CDYL: variants seen among roughly 807,000 people sequenced by gnomAD.
CDYL encodes the protein chromodomain Y-like protein.
Under a neutral mutation model 47.3 loss-of-function variants are expected in CDYL, and 8 were observed. The ratio of observed to expected loss-of-function variants is 0.17; its 90% confidence interval spans 0.10 to 0.31. CDYL has a LOEUF of 0.31. CDYL is among the 10% of genes least tolerant of loss of function. The pLI, the probability that CDYL is intolerant of heterozygous loss-of-function variation, is 1.00. For synonymous variants in CDYL, 266 were observed against 265.0 expected (o/e 1.00, Z -0.04); for missense variants, 471 against 701.4 (o/e 0.67, Z 3.71).
intron 2 of CDYL, among the ~76,000 whole-genome samples, chr6:4,913,474 T>A (rs1383750754): frequency 6.6e-6 from 1 of 152,202 alleles, no homozygotes; most frequent in East Asian, 1.9e-4. Context: ...GTTTTAAAAC[T>A]GTTTGAAAAG....
At chr6:4,759,355 T>C (rs1275849114) in intron 3 of CDYL, among the ~76,000 whole-genome samples, 2 of 152,208 alleles carry the variant, frequency 1.3e-5, no homozygotes, top group Non-Finnish European at 2.9e-5. Context: ...TTTGTGCATT[T>C]TATTCAGATT....
intron 3 of CDYL, among the ~76,000 whole-genome samples, chr6:4,760,880 TCAAC>T (rs1227056468): frequency 1.3e-5 from 2 of 151,594 alleles, no homozygotes; most frequent in Non-Finnish European, 2.9e-5. Context: ...GGATTCTCTC[TCAAC>T]CAACCCAACT....
In CDYL at chr6:4,955,318, G is replaced by C. The variant is rs1226649957; in HGVS notation, c.*1262G>C. The C allele has an allele frequency of 6.6e-6, 1 of 152,594 alleles. No individual in the cohort carries two copies. Among genetic ancestry groups the C allele is most frequent in the Non-Finnish European group, 1.5e-5 (1 of 68,034 alleles). 9.5% of individuals were successfully genotyped at this position (152,594 alleles called of 1,614,324 possible). A position where few individuals can be genotyped will look rare whatever the true frequency, so the allele number is the denominator to read the frequency against. On this transcript the variant is annotated 3_prime_UTR_variant, in exon 7 of 7. Transcript: ENST00000397588. ...CAAATTCTTATTTTTGTACAGTTTT[G>C]AAGTTTATACTTAGAACTGACCACC... is the stretch of plus-strand genomic sequence containing the variant.
chr6:4,932,696 C>T (rs2127517745), intron 2 of CDYL, among the ~76,000 whole-genome samples: 1 of 152,286 alleles, frequency 6.6e-6, no homozygotes, highest in East Asian at 1.9e-4. Context: ...CCAGAGTCTC[C>T]ACGTCTGTCT....
At position 4,929,064 on chromosome 6, in the gene CDYL, T is replaced by G. The variant is rs930526520; in HGVS notation, c.692-6451T>G. On this transcript the variant is annotated intron_variant, in intron 2 of 6. Transcript: ENST00000397588. ...ATTCCTTTGAATGTATTCAGGCTTC[T>G]GTCTGGTATTATTTTCCTTCTGCCT... 2.2e-4 allele frequency among the ~76,000 whole-genome samples: 33 copies of G among 152,250 alleles called. 1 individual carries two copies. The highest frequency in any genetic ancestry group is 2.0e-4 in the Admixed American group (3 of 15,294).
chr6:4,810,502 AT>A (rs1177521073), intron 1 of CDYL, among the ~76,000 whole-genome samples: 2 of 152,162 alleles, frequency 1.3e-5, no homozygotes, highest in East Asian at 1.9e-4. Flanking sequence ...TTTGCCTCCA[AT>A]TTTAATATAT....
intron 1 of CDYL, among the ~76,000 whole-genome samples, chr6:4,787,765 C>CTTT (rs70974136): frequency 0.041 from 2,822 of 69,170 alleles, 154 homozygotes; most frequent in African/African-American, 0.085. Flanking sequence ...AAATTCAAGT[C>CTTT]TTTTTTTTTT....
intron 1 of CDYL, among the ~76,000 whole-genome samples, chr6:4,848,726 G>A (rs1760736704): frequency 6.6e-6 from 1 of 152,208 alleles, no homozygotes; most frequent in Non-Finnish European, 1.5e-5. Flanking sequence ...GTCTTTATTT[G>A]GTTTTTAGGA....
chr6:4,952,318 G>T lies in CDYL; in HGVS notation c.1385G>T (p.Gly462Val). Residue 462 changes from glycine to valine, a missense_variant, in exon 6 of 7, where the codon GGC becomes GTC. Gly to Val is a moderately radical substitution (Grantham distance 109, BLOSUM62 -3). Around this residue, in one of 3 missense-constraint regions of CDYL, gnomAD observed 103 missense variants for 277.1 expected, o/e 0.37. Transcript: ENST00000397588. ...GRKLTAQEAC[G>V]KGLVSQVFWP... is the part of the protein sequence containing the mutation. ...AAGCTGACAGCGCAGGAGGCGTGTG[G>T]CAAGGGCCTGGTCTCCCAGGTGTTT... 1 of 1,614,196 alleles carries T rather than the reference G, an allele frequency of 6.2e-7. No individual in the cohort carries two copies.
At chr6:4,850,524 G>A (rs1760792011) in intron 1 of CDYL, among the ~76,000 whole-genome samples, 1 of 152,112 alleles carries the variant, frequency 6.6e-6, no homozygotes, top group African/African-American at 2.4e-5. Context: ...TATTCTATAA[G>A]TTTCTTAATT....
At chr6:4,758,181 AATACAAAAATAGCAG>A (rs1309054166) in intron 3 of CDYL, among the ~76,000 whole-genome samples, 166 of 150,570 alleles carry the variant, frequency 1.1e-3, no homozygotes, top group African/African-American at 4.0e-3. Flanking sequence ...CTCTACTAAA[AATACAAAAATAGCAG>A]GATGTGGTGG....
upstream of CDYL, among the ~76,000 whole-genome samples, chr6:4,773,397 G>GTGCTATT (rs2127426227): frequency 1.3e-5 from 2 of 152,196 alleles, no homozygotes; most frequent in East Asian, 3.9e-4. This position sits in a 1 kb window ranked among gnomAD's most constrained non-coding sequence, Gnocchi z 4.6. Context: ...CACACACGTG[G>GTGCTATT]TCATGGAAAC....
At chr6:4,801,693 T>C (rs1047531212) in intron 1 of CDYL, among the ~76,000 whole-genome samples, 6 of 152,210 alleles carry the variant, frequency 3.9e-5, no homozygotes, top group Non-Finnish European at 5.9e-5. Context: ...AGATGGACTT[T>C]TCTCTGTGGT....
At chr6:4,897,790 G>GTTTTGTTTTTTTT (rs75519192) in intron 2 of CDYL, among the ~76,000 whole-genome samples, 16 of 140,218 alleles carry the variant, frequency 1.1e-4, no homozygotes, top group Non-Finnish European at 2.1e-4. Context: ...GAAGGTTTTT[G>GTTTTGTTTTTTTT]TTTTTTTTTT....
At chr6:4,758,589 T>C (rs1758115856) in intron 3 of CDYL, among the ~76,000 whole-genome samples, 1 of 149,696 alleles carries the variant, frequency 6.7e-6, no homozygotes, top group Non-Finnish European at 1.5e-5. Flanking sequence ...CTTGAACCCG[T>C]GAGGCAGAGG....
At chr6:4,860,155 C>T (rs1255323864) in intron 1 of CDYL, among the ~76,000 whole-genome samples, 2 of 152,100 alleles carry the variant, frequency 1.3e-5, no homozygotes, top group Non-Finnish European at 2.9e-5. Context: ...CCCGCCTCGG[C>T]CTCCCAAAGT....
At chr6:4,724,363 A>G (rs12663786) in intron 2 of CDYL, 28,175 of 152,100 alleles carry the variant, frequency 0.19, 2,941 homozygotes, top group Admixed American at 0.27. Flanking sequence ...TCCCCTCTTT[A>G]TAATTCCAAA....
intron 2 of CDYL, among the ~76,000 whole-genome samples, chr6:4,911,946 CA>C (rs1053603528): frequency 6.6e-6 from 1 of 152,170 alleles, no homozygotes; most frequent in Non-Finnish European, 1.5e-5. Context: ...GAGAAAGAGA[CA>C]AAACCGGTTA....
At chr6:4,891,340 G>A (rs952898576) in intron 1 of CDYL, among the ~76,000 whole-genome samples, 3 of 152,152 alleles carry the variant, frequency 2.0e-5, no homozygotes, top group Non-Finnish European at 2.9e-5. Flanking sequence ...CTGGGTGCCC[G>A]CTGCTGGAAC....
Sources: allele counts gnomAD v4.1 joint callset (sites outside exome capture counted in the v4.1 genomes callset), GRCh38; gene constraint gnomAD v4.1.1; regional missense constraint gnomAD v4.1.1; non-coding constraint Gnocchi (gnomAD v3.1); transcripts MANE v1.5; gene names NCBI Gene and HGNC (gene_info 2026-07-23, HGNC 2026-07-21).